RPSA2: variants seen among roughly 807,000 people sequenced by gnomAD.
The protein encoded by RPSA2 is small ribosomal subunit protein uS2B.
At chr19:23,789,023 C>CTTTT in the RPSA2 span, among the ~76,000 whole-genome samples, 34 of 129,422 alleles carry the variant, frequency 2.6e-4, 1 homozygote, top group East Asian at 1.2e-3. Context: ...TTCTTTCTTT[C>CTTTT]TTTTTTTTTT....
At chr19:23,800,722 T>C in the RPSA2 span, among the ~76,000 whole-genome samples, 1 of 152,114 alleles carries the variant, frequency 6.6e-6, no homozygotes, top group African/African-American at 2.4e-5. Flanking sequence ...TAAGTGATTC[T>C]CCTGCCTCAG....
At chr19:23,845,639 G>A in the RPSA2 span, among the ~76,000 whole-genome samples, 24 of 152,236 alleles carry the variant, frequency 1.6e-4, 1 homozygote, top group Admixed American at 5.9e-4. Flanking sequence ...TCATAGGTGC[G>A]CAGCACCACA....
chr19:23,847,124 T>C, the RPSA2 span, among the ~76,000 whole-genome samples: 1 of 152,096 alleles, frequency 6.6e-6, no homozygotes, highest in Non-Finnish European at 1.5e-5. Context: ...AAATTCTTTT[T>C]ATGCCTGTTT....
chr19:23,803,123 A>G, the RPSA2 span, among the ~76,000 whole-genome samples: 1 of 152,180 alleles, frequency 6.6e-6, no homozygotes, highest in South Asian at 2.1e-4. Flanking sequence ...ACACTTAAAA[A>G]ATGAAACAGA....
the RPSA2 span, among the ~76,000 whole-genome samples, chr19:23,830,853 T>C: frequency 2.4e-4 from 36 of 152,304 alleles, no homozygotes; most frequent in African/African-American, 7.2e-4. Flanking sequence ...TCTTTGATTG[T>C]GATTTGGACA....
At chr19:23,791,884 T>A in the RPSA2 span, among the ~76,000 whole-genome samples, 1 of 151,970 alleles carries the variant, frequency 6.6e-6, no homozygotes. Context: ...AGATTATAGG[T>A]GCCTGCCACC....
chr19:23,860,898 T>G, the RPSA2 span, among the ~76,000 whole-genome samples: 1 of 152,162 alleles, frequency 6.6e-6, no homozygotes, highest in Non-Finnish European at 1.5e-5. Flanking sequence ...ATTTCATAAC[T>G]TGCTCAGGCA....
chr19:23,799,845 G>A, the RPSA2 span, among the ~76,000 whole-genome samples: 1 of 152,170 alleles, frequency 6.6e-6, no homozygotes, highest in Non-Finnish European at 1.5e-5. Flanking sequence ...TAGCATATAT[G>A]GATGACCTCC....
At chr19:23,863,635 G>T in the RPSA2 span, among the ~76,000 whole-genome samples, 1 of 150,646 alleles carries the variant, frequency 6.6e-6, no homozygotes, top group Non-Finnish European at 1.5e-5. Context: ...AGTTTCTGGT[G>T]TATAGGACTT....
At chr19:23,854,095 T>A in the RPSA2 span, among the ~76,000 whole-genome samples, 2 of 152,052 alleles carry the variant, frequency 1.3e-5, no homozygotes, top group Non-Finnish European at 2.9e-5. Context: ...CAATATTAGG[T>A]AGTAAAAGTA....
At chr19:23,761,009 A>ATG in the RPSA2 span, among the ~76,000 whole-genome samples, 15 of 148,592 alleles carry the variant, frequency 1.0e-4, no homozygotes, top group South Asian at 4.2e-4. Context: ...GTATAAATAT[A>ATG]TGTGTGTATA....
the RPSA2 span, among the ~76,000 whole-genome samples, chr19:23,787,299 C>T: frequency 5.9e-5 from 9 of 151,976 alleles, no homozygotes; most frequent in African/African-American, 1.5e-4. Flanking sequence ...TGCCTATAGG[C>T]GGCATTTTGA....
At chr19:23,820,030 G>C in the RPSA2 span, among the ~76,000 whole-genome samples, 1 of 152,192 alleles carries the variant, frequency 6.6e-6, no homozygotes, top group Non-Finnish European at 1.5e-5. Context: ...TGCTTTCTCA[G>C]TCCTGATGGG....
At chr19:23,853,969 T>C in the RPSA2 span, among the ~76,000 whole-genome samples, 1 of 152,198 alleles carries the variant, frequency 6.6e-6, no homozygotes, top group Non-Finnish European at 1.5e-5. Context: ...ACTTTTTTCC[T>C]TGAATGTGTT....
the RPSA2 span, among the ~76,000 whole-genome samples, chr19:23,854,157 C>A: frequency 6.6e-6 from 1 of 152,106 alleles, no homozygotes; most frequent in Non-Finnish European, 1.5e-5. Context: ...TTGGCAGACA[C>A]CATAAGTTTA....
chr19:23,811,302 C>T, the RPSA2 span, among the ~76,000 whole-genome samples: 5 of 152,148 alleles, frequency 3.3e-5, no homozygotes, highest in African/African-American at 9.7e-5. Context: ...CAGGTGTAAG[C>T]CAATGTGCCT....
the RPSA2 span, among the ~76,000 whole-genome samples, chr19:23,797,152 C>A: frequency 6.6e-6 from 1 of 151,654 alleles, no homozygotes; most frequent in African/African-American, 2.4e-5. Flanking sequence ...CTCTTGCTGC[C>A]CAGGCCAAGT....
chr19:23,864,163 T>A, the RPSA2 span, among the ~76,000 whole-genome samples: 5 of 152,194 alleles, frequency 3.3e-5, no homozygotes, highest in African/African-American at 1.2e-4. Flanking sequence ...CTGAGCAAGA[T>A]GACACTGGCT....
At chr19:23,780,677 A>G in the RPSA2 span, among the ~76,000 whole-genome samples, 1 of 152,272 alleles carries the variant, frequency 6.6e-6, no homozygotes, top group East Asian at 1.9e-4. Flanking sequence ...AAAACTGACT[A>G]TCATTTGTGA....
Sources: allele counts gnomAD v4.1 joint callset (sites outside exome capture counted in the v4.1 genomes callset), GRCh38; gene constraint gnomAD v4.1.1; transcripts MANE v1.5; gene names NCBI Gene and HGNC (gene_info 2026-07-23, HGNC 2026-07-21).